The following SEC14L5 variants were observed in gnomAD, a reference collection of about 807,000 sequenced individuals.
SEC14L5 encodes the protein SEC14 like lipid binding 5.
A neutral mutation model predicts 84.6 loss-of-function variants in SEC14L5; 96 were observed. The observed-to-expected ratio is 1.13, with a 90% CI of 0.96 to 1.34. The LOEUF (loss-of-function observed/expected upper bound fraction) is 1.34, where lower values mean the gene tolerates loss of function less well. SEC14L5 is among the 40% of genes most tolerant of loss of function. SEC14L5 has a pLI of 0.00. For missense variants in SEC14L5, 1,224 were observed against 942.5 expected (o/e 1.30, Z -3.91); for synonymous variants, 546 against 383.4 (o/e 1.42, Z -4.95).
rs146012557 is a variant in SEC14L5 at position 4,960,605 on chromosome 16, G to T, written c.63+1219G>T. 3 of 152,296 alleles carry T rather than the reference G, an allele frequency of 2.0e-5. No individual in the cohort carries two copies. The East Asian group carries it at 5.8e-4, about 29-fold the overall frequency. 9.4% of individuals were successfully genotyped at this position (152,296 alleles called of 1,614,324 possible). ...CAGATGGTTCTAGGACAGCAAAGAG[G>T]CAGGAACTGGCTTAGGGTCATATTC... is the stretch of plus-strand genomic sequence containing the variant. On this transcript the variant is annotated intron_variant, in intron 2 of 15. Coordinates refer to ENST00000251170, the MANE Select transcript of SEC14L5 (RefSeq NM_014692.2).
chr16:4,981,955 A>G (rs1955429016), intron 2 of SEC14L5, among the ~76,000 whole-genome samples: 1 of 152,146 alleles, frequency 6.6e-6, no homozygotes, highest in Non-Finnish European at 1.5e-5. Flanking sequence ...GCTGAGATCT[A>G]CAGGGCAGAC....
rs1031252308 is a variant in SEC14L5 at position 5,016,701 on chromosome 16, T to C, written c.*1731T>C. The C allele has an allele frequency of 2.0e-5, 3 of 152,222 alleles. No individual in the cohort carries two copies. Among genetic ancestry groups the C allele is most frequent in the Admixed American group, 1.3e-4 (2 of 15,280 alleles). The allele number at this position is 152,222 out of a possible 1,614,324, so 9.4% of individuals were successfully genotyped here. A position where few individuals can be genotyped will look rare whatever the true frequency, so the allele number is the denominator to read the frequency against. Reference sequence around the variant, plus strand: ...TTTGTGGCCACAAGAATCATCTTTATGCAGGCTCAGCAATGCAGGGCCAGG... The same window carrying C: ...TTTGTGGCCACAAGAATCATCTTTACGCAGGCTCAGCAATGCAGGGCCAGG... On this transcript the variant is annotated 3_prime_UTR_variant, in exon 16 of 16. Transcript: ENST00000251170.
chr16:4,995,177 T>C (rs1955596122), intron 6 of SEC14L5, among the ~76,000 whole-genome samples: 1 of 152,242 alleles, frequency 6.6e-6, no homozygotes, highest in Non-Finnish European at 1.5e-5. Context: ...TTTAGCCATC[T>C]GTCTACAAAG....
intron 10 of SEC14L5, 35 bp downstream of exon 10, chr16:5,000,960 A>C: frequency 6.5e-7 from 1 of 1,529,434 alleles, no homozygotes; most frequent in Non-Finnish European, 9.0e-7. Flanking sequence ...TCCCCCCTAA[A>C]CAGCAAAGAC....
At position 4,959,318 on chromosome 16, in the gene SEC14L5, G is replaced by T; in HGVS notation, c.-6G>T. On this transcript the variant is annotated 5_prime_UTR_variant, in exon 2 of 16. Coordinates refer to ENST00000251170, the MANE Select transcript of SEC14L5 (RefSeq NM_014692.2). ...TGGTGACCTCCATTGGTGCTCCAGC[G>T]TGAACATGGTGCAAAGATACCAGTC... is the stretch of plus-strand genomic sequence containing the variant. The T allele has an allele frequency of 6.2e-7, 1 of 1,612,814 alleles. No individual in the cohort carries two copies. The highest frequency in any genetic ancestry group is 8.5e-7 in the Non-Finnish European group (1 of 1,178,846).
At chr16:4,990,657 C>A in intron 4 of SEC14L5, 110 bp from the exon 5 acceptor site, 1 of 1,120,642 alleles carries the variant, frequency 8.9e-7, no homozygotes, top group Non-Finnish European at 1.2e-6. Flanking sequence ...CAGGCTTGAT[C>A]TGCTTTCCAC....
chr16:5,005,039 G>C (rs1292768044), intron 11 of SEC14L5, among the ~76,000 whole-genome samples: 1 of 152,238 alleles, frequency 6.6e-6, no homozygotes, highest in East Asian at 1.9e-4. Context: ...GGCTGGGCGA[G>C]GTGGCTCACG....
chr16:4,971,546 T>C (rs761075189), intron 2 of SEC14L5, among the ~76,000 whole-genome samples: 1 of 152,224 alleles, frequency 6.6e-6, no homozygotes, highest in Non-Finnish European at 1.5e-5. Flanking sequence ...ATTCATTGTT[T>C]AATCCCTGTG....
chr16:4,981,299 A>C (rs532959383), intron 2 of SEC14L5, among the ~76,000 whole-genome samples: 3 of 109,386 alleles, frequency 2.7e-5, no homozygotes, highest in East Asian at 4.7e-4. Flanking sequence ...TTTAGAAGAG[A>C]TGGGGTTTCA....
At chr16:4,978,101 C>G (rs905801625) in intron 2 of SEC14L5, among the ~76,000 whole-genome samples, 3 of 145,698 alleles carry the variant, frequency 2.1e-5, no homozygotes, top group African/African-American at 7.6e-5. Context: ...TGTGCACAGC[C>G]TTTATTTTAT....
At chr16:4,966,910 C>G (rs1446665452) in intron 2 of SEC14L5, among the ~76,000 whole-genome samples, 1 of 152,234 alleles carries the variant, frequency 6.6e-6, no homozygotes, top group Non-Finnish European at 1.5e-5. Context: ...CCCAAGCCTG[C>G]AGGCCCTGGC....
rs1393659045 is a variant in SEC14L5, at chr16:5,007,474, A to G, written c.1560A>G (p.Gly520=). Residue 520 remains glycine, a synonymous_variant, in exon 13 of 16, where the codon GGA becomes GGG. Coordinates refer to ENST00000251170, the MANE Select transcript of SEC14L5 (RefSeq NM_014692.2). ...ACCATTCAGCCAGCGTGCTCCGCGG[A>G]GCCCCCCACGAGGTGCCAGGGCCTG... is the stretch of plus-strand genomic sequence containing the variant. ...ETYHSASVLR[G]APHEVAVEIL... is the part of the protein sequence containing the mutation. 6.2e-7 allele frequency: 1 copy of G among 1,613,418 alleles called. No homozygotes were observed. The highest frequency in any genetic ancestry group is 1.3e-5 in the African/African-American group (1 of 75,034).
chr16:4,996,198 C>A (rs551160745), intron 6 of SEC14L5, 150 bp from the exon 7 acceptor site: 12 of 580,290 alleles, frequency 2.1e-5, no homozygotes, highest in Non-Finnish European at 3.1e-5. Flanking sequence ...ATTCAGAGTC[C>A]GGTGGCTGCT....
At chr16:4,992,897 T>C (rs150151931) in intron 6 of SEC14L5, among the ~76,000 whole-genome samples, 5 of 152,352 alleles carry the variant, frequency 3.3e-5, no homozygotes, top group African/African-American at 1.2e-4. Context: ...TTATGTTGAA[T>C]ACGTGAGAAC....
intron 2 of SEC14L5, among the ~76,000 whole-genome samples, chr16:4,982,808 A>C (rs1955440545): frequency 6.6e-6 from 1 of 152,184 alleles, no homozygotes; most frequent in Non-Finnish European, 1.5e-5. Flanking sequence ...CCAAGGTCAC[A>C]CAGCTTGTAA....
At chr16:5,010,781 C>T (rs189523201) in intron 14 of SEC14L5, 3 of 342,848 alleles carry the variant, frequency 8.8e-6, no homozygotes, top group East Asian at 9.3e-5. Context: ...TTGCAAATCC[C>T]ACTCAGCAGA....
chr16:4,991,698 G>A (rs983145115), intron 5 of SEC14L5, 140 bp from the exon 6 acceptor site: 31 of 526,782 alleles, frequency 5.9e-5, no homozygotes, highest in East Asian at 5.5e-4. Context: ...TCTCCATCCC[G>A]ACCAGACACA....
At chr16:5,005,259 G>C (rs1248460083) in intron 11 of SEC14L5, among the ~76,000 whole-genome samples, 2 of 152,078 alleles carry the variant, frequency 1.3e-5, no homozygotes, top group African/African-American at 4.8e-5. Flanking sequence ...AGCTTGCAGT[G>C]AGCCAAGATT....
intron 8 of SEC14L5, among the ~76,000 whole-genome samples, chr16:4,997,820 G>C (rs532295633): frequency 6.6e-6 from 1 of 152,138 alleles, no homozygotes; most frequent in Non-Finnish European, 1.5e-5. Flanking sequence ...TCCTTGGCTG[G>C]TGGCAGCTTC....
Sources: allele counts gnomAD v4.1 joint callset (sites outside exome capture counted in the v4.1 genomes callset), GRCh38; gene constraint gnomAD v4.1.1; transcripts MANE v1.5; gene names NCBI Gene and HGNC (gene_info 2026-07-23, HGNC 2026-07-21).